Variants in LARS2 observed in about 807,000 individuals in gnomAD.
LARS2 encodes the protein leucyl-tRNA synthetase 2, mitochondrial.
Under a neutral mutation model 116.6 loss-of-function variants are expected in LARS2, and 81 were observed. That is an observed-to-expected ratio of 0.69 (90% confidence interval 0.58 to 0.84). The LOEUF (loss-of-function observed/expected upper bound fraction) is 0.84, where lower values mean the gene tolerates loss of function less well. Among genes scored for constraint, LARS2 ranks in the 40% least tolerant of loss-of-function variants. The pLI is 0.00. For synonymous variants in LARS2, 396 were observed against 407.2 expected, an observed-to-expected ratio of 0.97 and a Z score of 0.33; for missense variants, 968 against 1,114.5, an observed-to-expected ratio of 0.87 and a Z score of 1.87.
chr3:45,401,390 C>CTG (rs1197853218), intron 4 of LARS2, among the ~76,000 whole-genome samples: 1 of 152,030 alleles, frequency 6.6e-6, no homozygotes, highest in African/African-American at 2.4e-5. Flanking sequence ...GTAGTCCCAG[C>CTG]TACTCAGGAG....
intron 7 of LARS2, among the ~76,000 whole-genome samples, chr3:45,455,208 A>G (rs1014694700): frequency 5.1e-5 from 7 of 137,936 alleles, no homozygotes; most frequent in Non-Finnish European, 9.3e-5. Flanking sequence ...TCCTCATTGT[A>G]TTTTGTAATC....
chr3:45,536,849 A>G (rs1425329640), intron 20 of LARS2, among the ~76,000 whole-genome samples: 1 of 152,242 alleles, frequency 6.6e-6, no homozygotes, highest in Non-Finnish European at 1.5e-5. Context: ...TGGTGGATGG[A>G]TGTGACATGT....
rs556953537 is a variant in LARS2, at chr3:45,413,854, A to G, written c.364-3628A>G. ...TCTGGCGACTGGGATTGCAAGATGC[A>G]CCTAGGTTGGGACACTTTGAAGTGT... On this transcript the variant is annotated intron_variant, in intron 4 of 21. Transcript: ENST00000645846. Among the ~76,000 whole-genome samples, 6 of 152,308 alleles carry G rather than the reference A, an allele frequency of 3.9e-5. No individual in the cohort carries two copies. The South Asian group carries it at 1.0e-3, about 26-fold the overall frequency.
At chr3:45,442,379 C>G (rs1385781139) in intron 6 of LARS2, among the ~76,000 whole-genome samples, 1 of 152,044 alleles carries the variant, frequency 6.6e-6, no homozygotes, top group Non-Finnish European at 1.5e-5. Flanking sequence ...TTTAGTTGTT[C>G]AACAACTATT....
At chr3:45,487,732 G>A (rs756007340) in intron 11 of LARS2, among the ~76,000 whole-genome samples, 1 of 151,864 alleles carries the variant, frequency 6.6e-6, no homozygotes, top group East Asian at 1.9e-4. Flanking sequence ...GTAGTACCAA[G>A]GTTGAGAAAT....
intron 7 of LARS2, among the ~76,000 whole-genome samples, chr3:45,450,875 G>A (rs1473612574): frequency 1.3e-5 from 2 of 152,112 alleles, no homozygotes; most frequent in Admixed American, 6.5e-5. Flanking sequence ...TTTAATAGAA[G>A]CCATTTTAAC....
intron 8 of LARS2, among the ~76,000 whole-genome samples, chr3:45,466,936 C>CT (rs1378002087): frequency 1.3e-5 from 2 of 152,156 alleles, no homozygotes; most frequent in African/African-American, 4.8e-5. Context: ...TACCCCTGCT[C>CT]TTGGGGACAG....
rs9860885 is a variant in LARS2, at chr3:45,388,753, C to G, written c.-88+73C>G. ...TCCTCTTCCTCCGGCTCGGGAGATT[C>G]TGACTTGCTGAGGGCAGGAAGGGAA... On this transcript the variant is annotated intron_variant, in intron 1 of 21. Coordinates refer to ENST00000645846, the MANE Select transcript of LARS2 (RefSeq NM_015340.4). 0.18 allele frequency: 28,158 copies of G among 152,350 alleles called. 2,689 individuals carry two copies. The highest frequency in any genetic ancestry group is 0.21 in the Non-Finnish European group (14,031 of 68,160). The allele number at this position is 152,350 out of a possible 1,614,324, so 9.4% of individuals were successfully genotyped here. A position where few individuals can be genotyped will look rare whatever the true frequency, so the allele number is the denominator to read the frequency against.
At chr3:45,483,581 A>G (rs972911160) in intron 10 of LARS2, among the ~76,000 whole-genome samples, 6 of 152,244 alleles carry the variant, frequency 3.9e-5, no homozygotes, top group African/African-American at 1.2e-4. Flanking sequence ...CCTGGGAGGC[A>G]GAGGTTGCAG....
chr3:45,545,037 G>A (rs1032473285), intron 21 of LARS2, among the ~76,000 whole-genome samples: 1 of 152,182 alleles, frequency 6.6e-6, no homozygotes, highest in African/African-American at 2.4e-5. Context: ...GAGAGAGAGG[G>A]GCTGTGTCAG....
intron 20 of LARS2, among the ~76,000 whole-genome samples, chr3:45,527,385 G>A (rs1473848677): frequency 1.3e-5 from 2 of 152,148 alleles, no homozygotes; most frequent in Admixed American, 6.5e-5. Flanking sequence ...AACACTTTGG[G>A]AGGCCGAGGC....
chr3:45,478,898 T>G (rs1165540759), intron 10 of LARS2, among the ~76,000 whole-genome samples: 1 of 152,204 alleles, frequency 6.6e-6, no homozygotes, highest in Non-Finnish European at 1.5e-5. Context: ...TACCTAGGAA[T>G]GTATGATTTA....
At chr3:45,476,326 A>G (rs1487668731) in intron 9 of LARS2, 142 bp from the exon 10 acceptor site, 3 of 835,648 alleles carry the variant, frequency 3.6e-6, no homozygotes, top group African/African-American at 1.7e-5. Flanking sequence ...CACCATCTCA[A>G]TCCCCACACC....
Position 45,458,725 on chromosome 3 carries a change from G to C in LARS2, c.607-18G>C. On this transcript the variant is annotated intron_variant, in intron 7 of 21. Coordinates refer to ENST00000645846, the MANE Select transcript of LARS2 (RefSeq NM_015340.4). ...AGTACTCACCAGATTGTGCCATTTTGTTTCATGAATTATACAGGCCCTGGT... is the reference window on the plus strand; with the variant it reads ...AGTACTCACCAGATTGTGCCATTTTCTTTCATGAATTATACAGGCCCTGGT... The C allele has an allele frequency of 3.7e-6, 6 of 1,612,850 alleles. No individual in the cohort carries two copies. Among genetic ancestry groups the C allele is most frequent in the Non-Finnish European group, 5.1e-6 (6 of 1,179,180 alleles).
chr3:45,444,313 CT>C (rs1559471294), intron 6 of LARS2, among the ~76,000 whole-genome samples: 1 of 148,732 alleles, frequency 6.7e-6, no homozygotes. Flanking sequence ...GCGCCCAGCC[CT>C]TTTTTCACTT....
At chr3:45,413,353 T>TGCAGCGGCC (rs1380802856) in intron 4 of LARS2, among the ~76,000 whole-genome samples, 1 of 152,228 alleles carries the variant, frequency 6.6e-6, no homozygotes, top group Non-Finnish European at 1.5e-5. Flanking sequence ...AGCAGACAGC[T>TGCAGCGGCC]GCAGCGGCCA....
At chr3:45,468,628 C>A (rs1699473895) in intron 8 of LARS2, among the ~76,000 whole-genome samples, 1 of 152,164 alleles carries the variant, frequency 6.6e-6, no homozygotes, top group Admixed American at 6.5e-5. Context: ...CATTTGAGAA[C>A]CTGTAGTCAC....
chr3:45,445,880 A>C (rs1008073912), intron 6 of LARS2, among the ~76,000 whole-genome samples: 2 of 152,172 alleles, frequency 1.3e-5, no homozygotes, highest in Non-Finnish European at 2.9e-5. Context: ...AGGAAGACTG[A>C]ATTGTTTGCA....
chr3:45,456,098 C>G (rs1382258657), intron 7 of LARS2, among the ~76,000 whole-genome samples: 3 of 152,024 alleles, frequency 2.0e-5, no homozygotes, highest in African/African-American at 4.8e-5. Context: ...GAGGGTGACT[C>G]TAGTCAGTCA....
Sources: gnomAD v4.1 joint callset for allele counts (sites outside exome capture counted in the v4.1 genomes callset) on GRCh38, gnomAD v4.1.1 for gene constraint, MANE v1.5 for transcripts, NCBI Gene and HGNC (gene_info 2026-07-23, HGNC 2026-07-21) for gene names.